The following GLYATL1 variants were observed in gnomAD, a reference collection of about 807,000 sequenced individuals.
The protein encoded by GLYATL1 is glycine-N-acyltransferase like 1.
In GLYATL1, 15 loss-of-function variants were observed where a neutral mutation model predicts 20.0. The ratio of observed to expected loss-of-function variants is 0.75; its 90% CI spans 0.50 to 1.15. GLYATL1 has a LOEUF of 1.15. Among genes scored for constraint, GLYATL1 ranks in the 50% most tolerant of loss-of-function variants. The pLI is 0.00. For missense variants in GLYATL1, 380 were observed against 368.5 expected, an observed-to-expected ratio of 1.03 and a Z score of -0.26; for synonymous variants, 151 against 131.5, an observed-to-expected ratio of 1.15 and a Z score of -1.01.
chr11:58,944,542 T>G (rs528027074), intron 2 of GLYATL1, among the ~76,000 whole-genome samples: 1 of 152,304 alleles, frequency 6.6e-6, no homozygotes, highest in Non-Finnish European at 1.5e-5. Context: ...AACATCTCAA[T>G]GGTACAAACT....
downstream of GLYATL1, among the ~76,000 whole-genome samples, chr11:58,909,645 C>T (rs115824170): frequency 0.011 from 1,684 of 152,140 alleles, 40 homozygotes; most frequent in African/African-American, 0.039. Flanking sequence ...ATATATTTGG[C>T]GAATAAGACA....
intron 2 of GLYATL1, among the ~76,000 whole-genome samples, chr11:58,946,307 A>G (rs1425440441): frequency 6.6e-6 from 1 of 152,174 alleles, no homozygotes; most frequent in African/African-American, 2.4e-5. Flanking sequence ...TCCAGTTCCA[A>G]AGTTGTGAGA....
chr11:58,953,494 C>T (rs189201484), intron 4 of GLYATL1, among the ~76,000 whole-genome samples: 2 of 150,750 alleles, frequency 1.3e-5, no homozygotes, highest in Admixed American at 1.3e-4. Flanking sequence ...CTGTTTTTGC[C>T]ATTTAAAAAT....
At chr11:58,916,011 A>T (rs377481643) in intron 1 of GLYATL1, among the ~76,000 whole-genome samples, 1 of 152,162 alleles carries the variant, frequency 6.6e-6, no homozygotes, top group African/African-American at 2.4e-5. Context: ...GATTTACCCT[A>T]TTTAGTTACA....
intron 1 of GLYATL1, chr11:58,917,105 G>A (rs1365574228): frequency 6.6e-6 from 1 of 152,194 alleles, no homozygotes; most frequent in Non-Finnish European, 1.5e-5. Context: ...TTACTTGATT[G>A]TGGAGAGGTG....
intron 4 of GLYATL1, among the ~76,000 whole-genome samples, chr11:58,950,377 A>T (rs1446760015): frequency 3.3e-5 from 5 of 152,170 alleles, no homozygotes; most frequent in African/African-American, 9.7e-5. Flanking sequence ...TAACATATGG[A>T]CATCACTTTG....
At chr11:58,938,591 G>A (rs522376), upstream of GLYATL1, among the ~76,000 whole-genome samples, 49,313 of 151,986 alleles carry the variant, frequency 0.32, 8,531 homozygotes, top group Non-Finnish European at 0.39. Context: ...AGCTAGGCCC[G>A]GAGAGCCCTG....
chr11:58,956,083 AC>A lies in GLYATL1; in HGVS notation c.*58del. Reference sequence around the variant, plus strand: ...GCCATCTCTTAATATTAAAGCAGACACCACAGAATAGATTTCTTCACTTACA... The same window carrying A: ...GCCATCTCTTAATATTAAAGCAGACACACAGAATAGATTTCTTCACTTACA... On this transcript the variant is annotated 3_prime_UTR_variant, in exon 7 of 7. Coordinates refer to ENST00000532726, the MANE Select transcript of GLYATL1 (RefSeq NM_001389712.2). 6.9e-7 allele frequency: 1 copy of A among 1,448,926 alleles called. No individual in the cohort carries two copies. The highest frequency in any genetic ancestry group is 1.9e-5 in the Admixed American group (1 of 53,988). The allele number at this position is 1,448,926 out of a possible 1,614,324, so 89.8% of individuals were successfully genotyped here.
chr11:58,917,081 C>T (rs1360353083), intron 1 of GLYATL1: 1 of 152,196 alleles, frequency 6.6e-6, no homozygotes, highest in Non-Finnish European at 1.5e-5. Context: ...AAGGAGTAGC[C>T]TCTGATCCTT....
At position 58,905,758 on chromosome 11, in the gene GLYATL1, G is replaced by GGGGGGGGGGGGGGGGGGGC; in HGVS notation, n.238+97_238+98insGGGGGGGGGGGGGGGGGGC. The GGGGGGGGGGGGGGGGGGGC allele has an allele frequency of 7.3e-5, 2 of 27,562 alleles. 1 individual carries two copies. Among genetic ancestry groups the GGGGGGGGGGGGGGGGGGGC allele is most frequent in the Non-Finnish European group, 1.4e-4 (2 of 14,354 alleles). The allele number at this position is 27,562 out of a possible 1,614,324, so 1.7% of individuals were successfully genotyped here. On this transcript the variant is annotated intron_variant and non_coding_transcript_variant, in intron 1 of 1. Coordinates refer to the GLYATL1 transcript ENST00000524629. ...ACAAATAGGGAGGGTGGGCGGGTGG[G>GGGGGGGGGGGGGGGGGGGC]CGCGCAGTCCCCTCGGCCTGGCCGT...
upstream of GLYATL1, chr11:58,935,760 A>T (rs985916772): frequency 2.0e-5 from 3 of 152,076 alleles, no homozygotes; most frequent in African/African-American, 7.2e-5. Context: ...ACACACATAT[A>T]TACACACAAT....
intron 1 of GLYATL1, among the ~76,000 whole-genome samples, chr11:58,913,623 C>A (rs1855102563): frequency 6.6e-6 from 1 of 152,098 alleles, no homozygotes; most frequent in Non-Finnish European, 1.5e-5. Flanking sequence ...TTGGAGCTGA[C>A]ACCATAGAGG....
chr11:58,946,990 G>A, intron 2 of GLYATL1, 56 bp from the exon 3 acceptor site: 1 of 1,261,876 alleles, frequency 7.9e-7, no homozygotes, highest in Non-Finnish European at 1.2e-6. Flanking sequence ...TGTATAAAGT[G>A]CATTTTAAAT....
chr11:58,913,325 A>G (rs1004312689), downstream of GLYATL1, among the ~76,000 whole-genome samples: 1 of 151,958 alleles, frequency 6.6e-6, no homozygotes, highest in African/African-American at 2.4e-5. Flanking sequence ...AGTGGATGAG[A>G]GGTGTGAAGG....
exon 1 of GLYATL1, chr11:58,905,617 C>A (rs1433609225): frequency 2.2e-6 from 1 of 456,236 alleles, no homozygotes; most frequent in South Asian, 1.5e-5. Flanking sequence ...CAGGGGACGC[C>A]GATGAGCAGG....
rs1484150980 is a variant in GLYATL1, at chr11:58,918,993, C to T, written n.264+13332C>T. Among the ~76,000 whole-genome samples the T allele has an allele frequency of 2.6e-5, 4 of 152,214 alleles. No homozygotes were observed. The East Asian group carries it at 7.7e-4, about 29-fold the overall frequency. On this transcript the variant is annotated intron_variant and non_coding_transcript_variant, in intron 1 of 2. Coordinates refer to the GLYATL1 transcript ENST00000534674. Reference sequence around the variant, plus strand: ...GTGGATCCAAGCACGGTTCCTGTAACTTGAACAGCAGTTGGAGTGGACAAG... The same window carrying T: ...GTGGATCCAAGCACGGTTCCTGTAATTTGAACAGCAGTTGGAGTGGACAAG...
chr11:58,939,590 A>G lies in GLYATL1; in HGVS notation c.-227A>G, dbSNP rs1340478690. 1 of 152,244 alleles carries G rather than the reference A, an allele frequency of 6.6e-6. No homozygotes were observed. Among genetic ancestry groups the G allele is most frequent in the Non-Finnish European group, 1.5e-5 (1 of 68,070 alleles). The allele number at this position is 152,244 out of a possible 1,614,324, so 9.4% of individuals were successfully genotyped here. A position where few individuals can be genotyped will look rare whatever the true frequency, so the allele number is the denominator to read the frequency against. On this transcript the variant is annotated 5_prime_UTR_variant, in exon 1 of 7. Transcript: ENST00000532726. ...TCTGGGGCCACCACAGCTGGCCCCA[A>G]CCATGGTCCTGATTGCCTTGGAAGA...
exon 2 of GLYATL1, chr11:58,907,395 G>A (rs1360319403): frequency 2.2e-6 from 1 of 456,262 alleles, no homozygotes; most frequent in South Asian, 1.5e-5. Flanking sequence ...GTGGAATTTA[G>A]GACGCATCTC....
downstream of GLYATL1, among the ~76,000 whole-genome samples, chr11:58,911,125 G>T (rs1855029552): frequency 6.6e-6 from 1 of 152,138 alleles, no homozygotes; most frequent in Non-Finnish European, 1.5e-5. Context: ...TTCCATTTAA[G>T]ATTCATGAGT....
Sources: allele counts gnomAD v4.1 joint callset (sites outside exome capture counted in the v4.1 genomes callset), GRCh38; gene constraint gnomAD v4.1.1; transcripts MANE v1.5; gene names NCBI Gene and HGNC (gene_info 2026-07-23, HGNC 2026-07-21).